Variants in SLC6A2 observed in about 807,000 individuals in gnomAD.
The protein encoded by SLC6A2 is solute carrier family 6 member 2, also known as sodium-dependent noradrenaline transporter.
A neutral mutation model predicts 71.7 loss-of-function variants in SLC6A2; 26 were observed. That is an observed-to-expected ratio of 0.36 (90% CI 0.27 to 0.50). The LOEUF (loss-of-function observed/expected upper bound fraction) is 0.50. SLC6A2 is among the 20% of genes least tolerant of loss of function. SLC6A2 has a pLI of 0.96. For synonymous variants in SLC6A2, 363 were observed against 337.9 expected (o/e 1.07, Z -0.82); for missense variants, 581 against 803.9 (o/e 0.72, Z 3.35).
At chr16:55,678,504 A>C (rs2142536559) in intron 4 of SLC6A2, among the ~76,000 whole-genome samples, 1 of 152,224 alleles carries the variant, frequency 6.6e-6, no homozygotes, top group East Asian at 1.9e-4. Context: ...TGATGGACTG[A>C]GCATATCATT....
intron 2 of SLC6A2, among the ~76,000 whole-genome samples, chr16:55,663,486 T>A (rs1244501565): frequency 6.6e-6 from 1 of 152,156 alleles, no homozygotes; most frequent in Admixed American, 6.5e-5. Flanking sequence ...GTCACCAGAA[T>A]CATGAGACAT....
At chr16:55,681,985 C>T (rs1335179445) in intron 4 of SLC6A2, among the ~76,000 whole-genome samples, 2 of 152,218 alleles carry the variant, frequency 1.3e-5, no homozygotes, top group Admixed American at 6.5e-5. Context: ...CCGCTCACTG[C>T]AATCTCCATC....
At position 55,691,230 on chromosome 16, in the gene SLC6A2, GGAGAGAGAGAGAGAGAGAGAGAGA is replaced by G. The variant is rs56308124; in HGVS notation, c.784-659_784-636del. ...AAAGAGAGGGGGGGAGGGGAGAGGG[GGAGAGAGAGAGAGAGAGAGAGAGA>G]GAGAGAGAGAGAGAGAGAGAGAGAG... On this transcript the variant is annotated intron_variant, in intron 5 of 14. Transcript: ENST00000568943. Among the ~76,000 whole-genome samples, 35 of 46,462 alleles carry G rather than the reference GGAGAGAGAGAGAGAGAGAGAGAGA, an allele frequency of 7.5e-4. No individual in the cohort carries two copies. In the South Asian group the frequency reaches 8.4e-3, roughly 11 times the overall value. The allele number at this position is 46,462 out of a possible 152,430, so 30.5% of individuals were successfully genotyped here.
At chr16:55,698,367 C>T (rs1053274444) in intron 10 of SLC6A2, 102 bp from the exon 11 acceptor site, 63 of 859,030 alleles carry the variant, frequency 7.3e-5, no homozygotes, top group South Asian at 2.5e-4. Flanking sequence ...AATAGAGCTC[C>T]GAGCAAGTGG....
At chr16:55,660,245 C>T (rs190960084) in intron 2 of SLC6A2, among the ~76,000 whole-genome samples, 76 of 152,226 alleles carry the variant, frequency 5.0e-4, no homozygotes, top group African/African-American at 1.8e-3. Context: ...GCAGGGCAAG[C>T]CAGGAGAGAT....
At chr16:55,674,506 C>T (rs1965021958) in intron 4 of SLC6A2, among the ~76,000 whole-genome samples, 1 of 151,398 alleles carries the variant, frequency 6.6e-6, no homozygotes, top group East Asian at 2.0e-4. Context: ...CTCACTGCAA[C>T]CTCTGTGTCC....
intron 4 of SLC6A2, among the ~76,000 whole-genome samples, chr16:55,681,329 TGGAGCCATCACCTGCTTCTCCACA>T (rs1965265251): frequency 6.6e-6 from 1 of 152,224 alleles, no homozygotes; most frequent in African/African-American, 2.4e-5. Flanking sequence ...CCCAGGGGGC[TGGAGCCATCACCTGCTTCTCCACA>T]GCCATGCCAC....
chr16:55,685,718 T>C (rs1965430742), intron 5 of SLC6A2, among the ~76,000 whole-genome samples: 1 of 152,150 alleles, frequency 6.6e-6, no homozygotes, highest in Admixed American at 6.5e-5. Context: ...CTCTGAATTT[T>C]TGAGAAAAAA....
intron 11 of SLC6A2, 145 bp downstream of exon 11, chr16:55,698,713 C>T: frequency 2.8e-6 from 2 of 708,056 alleles, no homozygotes; most frequent in East Asian, 2.7e-5. Flanking sequence ...AATCTCAATC[C>T]TCGGCTCATC....
intron 14 of SLC6A2, 140 bp from the exon 15 acceptor site, chr16:55,702,183 C>A: frequency 2.2e-6 from 2 of 920,602 alleles, no homozygotes; most frequent in South Asian, 1.3e-5. Flanking sequence ...ATTAGGGAAT[C>A]AACTTGCACG....
intron 2 of SLC6A2, among the ~76,000 whole-genome samples, chr16:55,660,718 C>T (rs1032730733): frequency 6.6e-6 from 1 of 152,158 alleles, no homozygotes; most frequent in African/African-American, 2.4e-5. Flanking sequence ...TGAGATAACA[C>T]CACAAGATTT....
At chr16:55,657,088 C>A in intron 2 of SLC6A2, 120 bp downstream of exon 2, 1 of 1,129,614 alleles carries the variant, frequency 8.9e-7, no homozygotes, top group Non-Finnish European at 1.3e-6. Flanking sequence ...AAATCTGGGG[C>A]GCAGAAAGAA....
intron 2 of SLC6A2, among the ~76,000 whole-genome samples, chr16:55,668,192 A>G (rs1445952030): frequency 6.6e-6 from 1 of 152,164 alleles, no homozygotes; most frequent in African/African-American, 2.4e-5. Context: ...GCACCCTGAG[A>G]AACAAGTGGA....
At chr16:55,676,885 GCT>G (rs1596975599) in intron 4 of SLC6A2, among the ~76,000 whole-genome samples, 2 of 152,212 alleles carry the variant, frequency 1.3e-5, no homozygotes, top group Non-Finnish European at 2.9e-5. Flanking sequence ...CAAAGCCCAA[GCT>G]CTTAGCCCAG....
At chr16:55,679,942 T>G (rs1011035265) in intron 4 of SLC6A2, among the ~76,000 whole-genome samples, 2 of 152,210 alleles carry the variant, frequency 1.3e-5, no homozygotes, top group Admixed American at 6.5e-5. Flanking sequence ...GCACACTGTC[T>G]TGTGTATCTG....
At chr16:55,664,706 G>T (rs1261776585) in intron 2 of SLC6A2, among the ~76,000 whole-genome samples, 1 of 152,224 alleles carries the variant, frequency 6.6e-6, no homozygotes, top group Admixed American at 6.5e-5. Flanking sequence ...TACAAAGGGG[G>T]AGCTAAGGCT....
chr16:55,696,573 AG>A (rs1176048207), intron 9 of SLC6A2, among the ~76,000 whole-genome samples: 14 of 152,268 alleles, frequency 9.2e-5, no homozygotes, highest in Admixed American at 7.2e-4. Context: ...CCAAAAGAAG[AG>A]GCTTCAGATA....
At chr16:55,687,602 C>T (rs531548410) in intron 5 of SLC6A2, among the ~76,000 whole-genome samples, 6 of 152,316 alleles carry the variant, frequency 3.9e-5, no homozygotes, top group Non-Finnish European at 2.9e-5. Context: ...GCAGAGTTCT[C>T]CTGGCCTCTG....
intron 13 of SLC6A2, 137 bp downstream of exon 13, chr16:55,700,443 C>A: frequency 2.8e-6 from 2 of 707,990 alleles, no homozygotes; most frequent in South Asian, 1.9e-5. Flanking sequence ...ACCTCATTGG[C>A]CAGGTTATTT....
Sources: allele counts gnomAD v4.1 joint callset (sites outside exome capture counted in the v4.1 genomes callset), GRCh38; gene constraint gnomAD v4.1.1; transcripts MANE v1.5; gene names NCBI Gene and HGNC (gene_info 2026-07-23, HGNC 2026-07-21).